BCL2L13: variants seen among roughly 807,000 people sequenced by gnomAD.
The protein encoded by BCL2L13 is bcl-2-like protein 13.
Under a neutral mutation model 25.8 loss-of-function variants are expected in BCL2L13, and 13 were observed. The ratio of observed to expected loss-of-function variants is 0.50; its 90% CI spans 0.33 to 0.80. The LOEUF (loss-of-function observed/expected upper bound fraction) is 0.80, where lower values mean the gene tolerates loss of function less well. BCL2L13 is among the 30% of genes least tolerant of loss of function. BCL2L13 has a pLI of 0.02. For missense variants in BCL2L13, 504 were observed against 574.9 expected (o/e 0.88, Z 1.26); for synonymous variants, 244 against 230.3 (o/e 1.06, Z -0.54).
At chr22:17,700,236 C>G (rs569832940) in intron 5 of BCL2L13, among the ~76,000 whole-genome samples, 10 of 152,184 alleles carry the variant, frequency 6.6e-5, no homozygotes, top group African/African-American at 2.4e-4. Context: ...ATATGAAAAA[C>G]AGAATAAGAG....
chr22:17,629,471 C>G (rs2057958196), intron 1 of BCL2L13, among the ~76,000 whole-genome samples: 1 of 152,074 alleles, frequency 6.6e-6, no homozygotes, highest in South Asian at 2.1e-4. Context: ...AAAAGCCTTC[C>G]CAGGTCCCAT....
Position 17,727,778 on chromosome 22 carries a change from C to A in BCL2L13, c.*244C>A. On this transcript the variant is annotated 3_prime_UTR_variant, in exon 7 of 7. Coordinates refer to ENST00000317582, the MANE Select transcript of BCL2L13 (RefSeq NM_015367.4). Reference sequence around the variant, plus strand: ...TGAGAATCTTAGGGGTAAAGCACCCCCTCCAGGACCGGGTTTCTCAGCCTT... The same window carrying A: ...TGAGAATCTTAGGGGTAAAGCACCCACTCCAGGACCGGGTTTCTCAGCCTT... 1 of 563,616 alleles carries A rather than the reference C, an allele frequency of 1.8e-6. No homozygotes were observed. The highest frequency in any genetic ancestry group is 2.1e-5 in the South Asian group (1 of 46,858). The allele number at this position is 563,616 out of a possible 1,614,324, so 34.9% of individuals were successfully genotyped here.
At chr22:17,722,964 T>C (rs1392809357) in intron 6 of BCL2L13, among the ~76,000 whole-genome samples, 1 of 152,254 alleles carries the variant, frequency 6.6e-6, no homozygotes, top group Non-Finnish European at 1.5e-5. Context: ...AGTAGTTAAA[T>C]AGTTTGGATG....
At chr22:17,683,843 C>CCAT (rs975614736) in intron 3 of BCL2L13, among the ~76,000 whole-genome samples, 10 of 105,562 alleles carry the variant, frequency 9.5e-5, no homozygotes, top group African/African-American at 3.4e-4. Flanking sequence ...CTCAGTCATT[C>CCAT]CATTATTATT....
At chr22:17,712,922 C>T (rs555934947) in intron 6 of BCL2L13, among the ~76,000 whole-genome samples, 36 of 152,230 alleles carry the variant, frequency 2.4e-4, no homozygotes, top group Admixed American at 1.4e-3. Context: ...GTGGATGAAG[C>T]GATTTACCTT....
chr22:17,730,332 C>T lies in BCL2L13; in HGVS notation c.*2798C>T, dbSNP rs539818828. ...CCTTCTGGTTCACCCATCTCCCCCT[C>T]GAGGCATTCTTGATACCCCTTCTCA... On this transcript the variant is annotated 3_prime_UTR_variant, in exon 7 of 7. Transcript: ENST00000317582. 9.2e-5 allele frequency: 14 copies of T among 152,278 alleles called. No homozygotes were observed. The highest frequency in any genetic ancestry group is 2.9e-4 in the African/African-American group (12 of 41,524). The allele number at this position is 152,278 out of a possible 1,614,324, so 9.4% of individuals were successfully genotyped here.
chr22:17,707,907 A>C (rs1354468397), intron 6 of BCL2L13, among the ~76,000 whole-genome samples: 1 of 152,178 alleles, frequency 6.6e-6, no homozygotes, highest in Non-Finnish European at 1.5e-5. Context: ...AAAGTGAAAC[A>C]AAAAAATACA....
At chr22:17,680,511 CAAAA>C (rs770410371) in intron 2 of BCL2L13, among the ~76,000 whole-genome samples, 1 of 13,346 alleles carries the variant, frequency 7.5e-5, no homozygotes, top group Non-Finnish European at 1.3e-4. Context: ...GACTCTGTCT[CAAAA>C]AAAAAAAAAA....
chr22:17,636,830 G>C (rs924403999), upstream of BCL2L13, among the ~76,000 whole-genome samples: 4 of 151,878 alleles, frequency 2.6e-5, no homozygotes, highest in African/African-American at 9.7e-5. Flanking sequence ...AATAAATAAA[G>C]GAAAAGACTG....
rs1568981844 is a variant in BCL2L13 at position 17,693,373 on chromosome 22, T to TGTGG, written c.387-2768_387-2767insGTGG. 9.7e-5 allele frequency among the ~76,000 whole-genome samples: 2 copies of TGTGG among 20,528 alleles called. 1 individual carries two copies. The allele number at this position is 20,528 out of a possible 152,430, so 13.5% of individuals were successfully genotyped here. The stretch of plus-strand genomic sequence containing the variant: ...TATTTATTTATTTATTTAGTGTTTG[T>TGTGG]TTTTTTTTTTTTTTTTTTTTTTTGG... On this transcript the variant is annotated intron_variant, in intron 4 of 6. Transcript: ENST00000317582.
intron 6 of BCL2L13, among the ~76,000 whole-genome samples, chr22:17,716,022 A>G (rs964504155): frequency 2.0e-5 from 3 of 152,232 alleles, no homozygotes; most frequent in Non-Finnish European, 4.4e-5. Flanking sequence ...GGGATAACAA[A>G]GAAGTTTAAA....
At position 17,729,048 on chromosome 22, in the gene BCL2L13, G is replaced by A. The variant is rs923834123; in HGVS notation, c.*1514G>A. 2 of 152,190 alleles carry A rather than the reference G, an allele frequency of 1.3e-5. No individual in the cohort carries two copies. Among genetic ancestry groups the A allele is most frequent in the African/African-American group, 2.4e-5 (1 of 41,452 alleles). 9.4% of individuals were successfully genotyped at this position (152,190 alleles called of 1,614,324 possible). A position where few individuals can be genotyped will look rare whatever the true frequency, so the allele number is the denominator to read the frequency against. On this transcript the variant is annotated 3_prime_UTR_variant, in exon 7 of 7. Transcript: ENST00000317582. ...GGCACACGTGGCTTGGTTTAAAAAG[G>A]TCATCTTAGATTTATCTTAGTAAAT...
Position 17,664,401 on chromosome 22 carries a change from CA to C in BCL2L13, c.121+8570del, listed in dbSNP as rs576688058. Among the ~76,000 whole-genome samples the C allele has an allele frequency of 1.1e-3, 140 of 122,328 alleles. 2 individuals carry two copies. In the South Asian group the frequency reaches 0.032, roughly 28 times the overall value. The allele number at this position is 122,328 out of a possible 152,430, so 80.3% of individuals were successfully genotyped here. The stretch of plus-strand genomic sequence containing the variant: ...GGAGAGCTCCACCTGTGTGGCTTTG[CA>C]GCATATATAGCCACCCCCCCCCGGC... On this transcript the variant is annotated intron_variant, in intron 2 of 6. Coordinates refer to ENST00000317582, the MANE Select transcript of BCL2L13 (RefSeq NM_015367.4).
At chr22:17,653,889 T>C (rs2058765664) in intron 1 of BCL2L13, among the ~76,000 whole-genome samples, 1 of 141,894 alleles carries the variant, frequency 7.0e-6, no homozygotes, top group Admixed American at 6.8e-5. Context: ...ATATTTATCT[T>C]AGTTTGCTTA....
rs1569027166 is a variant in BCL2L13, at chr22:17,728,102, C to T, written c.*568C>T. On this transcript the variant is annotated 3_prime_UTR_variant, in exon 7 of 7. Coordinates refer to ENST00000317582, the MANE Select transcript of BCL2L13 (RefSeq NM_015367.4). Reference sequence around the variant, plus strand: ...AATTTCATCTTTCTCGATGAGCAGGCTCTGCACCCACTCTTTTTTTGCCCC... The same window carrying T: ...AATTTCATCTTTCTCGATGAGCAGGTTCTGCACCCACTCTTTTTTTGCCCC... 1 of 156,296 alleles carries T rather than the reference C, an allele frequency of 6.4e-6. No homozygotes were observed. Among genetic ancestry groups the T allele is most frequent in the African/African-American group, 2.4e-5 (1 of 40,964 alleles). The allele number at this position is 156,296 out of a possible 1,614,324, so 9.7% of individuals were successfully genotyped here. A position where few individuals can be genotyped will look rare whatever the true frequency, so the allele number is the denominator to read the frequency against.
chr22:17,630,222 AAAC>A (rs1399415804), intron 1 of BCL2L13, among the ~76,000 whole-genome samples: 11 of 147,634 alleles, frequency 7.5e-5, no homozygotes, highest in African/African-American at 2.4e-4. Flanking sequence ...CGTCTCAAAA[AAAC>A]AAAAAAAAAA....
Position 17,727,665 on chromosome 22 carries a change from C to T in BCL2L13, c.*131C>T, listed in dbSNP as rs1163735041. The T allele has an allele frequency of 5.4e-5, 70 of 1,292,670 alleles. No homozygotes were observed. The highest frequency in any genetic ancestry group is 6.9e-5 in the Non-Finnish European group (65 of 945,806). The allele number at this position is 1,292,670 out of a possible 1,614,324, so 80.1% of individuals were successfully genotyped here. On this transcript the variant is annotated 3_prime_UTR_variant, in exon 7 of 7. Transcript: ENST00000317582. ...AATTGGGGACTTCTGCTCAACATGG[C>T]AGTGGCATGTTAGGCATGTTAGGGC... is the stretch of plus-strand genomic sequence containing the variant.
chr22:17,656,317 A>AT (rs1193906753), intron 2 of BCL2L13, among the ~76,000 whole-genome samples: 16 of 68,648 alleles, frequency 2.3e-4, no homozygotes, highest in African/African-American at 6.1e-4. Context: ...AAACAAAAGT[A>AT]TTTTTTTTCA....
At chr22:17,676,293 C>G (rs538952064) in intron 2 of BCL2L13, among the ~76,000 whole-genome samples, 1 of 93,168 alleles carries the variant, frequency 1.1e-5, no homozygotes, top group South Asian at 3.4e-4. Flanking sequence ...AGAACCCTAT[C>G]TCTACTAAAA....
Sources: allele counts gnomAD v4.1 joint callset (sites outside exome capture counted in the v4.1 genomes callset), GRCh38; gene constraint gnomAD v4.1.1; transcripts MANE v1.5; gene names NCBI Gene and HGNC (gene_info 2026-07-23, HGNC 2026-07-21).